RALGPS2: variants seen among roughly 807,000 people sequenced by gnomAD.
RALGPS2 encodes the protein ras-specific guanine nucleotide-releasing factor RalGPS2.
RALGPS2 carries 43 observed loss-of-function variants against 86.8 expected under a neutral mutation model. The observed-to-expected ratio is 0.50, with a 90% CI of 0.39 to 0.64. The LOEUF (loss-of-function observed/expected upper bound fraction) is 0.64, where lower values mean the gene tolerates loss of function less well. Among genes scored for constraint, RALGPS2 ranks in the 30% least tolerant of loss-of-function variants. RALGPS2 has a pLI of 0.00. For missense variants in RALGPS2, 536 were observed against 694.6 expected (o/e 0.77, Z 2.57); for synonymous variants, 243 against 231.3 (o/e 1.05, Z -0.46).
intron 8 of RALGPS2, among the ~76,000 whole-genome samples, chr1:178,861,087 A>G (rs555641630): frequency 6.6e-5 from 10 of 152,252 alleles, no homozygotes; most frequent in African/African-American, 2.2e-4. Context: ...GAAAACACAA[A>G]CTGGCAGTGA....
chr1:178,753,434 C>T (rs992471625), intron 1 of RALGPS2, among the ~76,000 whole-genome samples: 11 of 152,066 alleles, frequency 7.2e-5, no homozygotes, highest in Non-Finnish European at 1.5e-4. Flanking sequence ...AAAATATCTT[C>T]CATCTCCTAA....
intron 4 of RALGPS2, among the ~76,000 whole-genome samples, chr1:178,796,711 C>T (rs1654207395): frequency 6.6e-6 from 1 of 152,098 alleles, no homozygotes. Flanking sequence ...CTTTGCAGAA[C>T]AAACCTACAA....
rs1660883553 is a variant in RALGPS2 at position 178,918,545 on chromosome 1, T to G, written c.*2186T>G. 6.6e-6 allele frequency: 1 copy of G among 152,142 alleles called. No homozygotes were observed. Among genetic ancestry groups the G allele is most frequent in the African/African-American group, 2.4e-5 (1 of 41,456 alleles). The allele number at this position is 152,142 out of a possible 1,614,324, so 9.4% of individuals were successfully genotyped here. A position where few individuals can be genotyped will look rare whatever the true frequency, so the allele number is the denominator to read the frequency against. ...AAGCTGGAAGATGTTTTTGATACTT[T>G]CGGCTCTAAACATTAATGGATGTTT... is the stretch of plus-strand genomic sequence containing the variant. On this transcript the variant is annotated 3_prime_UTR_variant, in exon 20 of 20. Coordinates refer to ENST00000367635, the MANE Select transcript of RALGPS2 (RefSeq NM_152663.5).
At chr1:178,871,223 G>C (rs545449912) in intron 8 of RALGPS2, among the ~76,000 whole-genome samples, 65 of 152,196 alleles carry the variant, frequency 4.3e-4, no homozygotes, top group African/African-American at 1.4e-3. Context: ...ATCAGCAGGA[G>C]GTTGAATAGT....
At chr1:178,853,662 C>A in intron 8 of RALGPS2, 1 of 1,612,494 alleles carries the variant, frequency 6.2e-7, no homozygotes, top group Non-Finnish European at 8.5e-7. Context: ...ACAGTCCAAC[C>A]CCCAGGGTCC....
chr1:178,806,839 A>G (rs1187296591), intron 4 of RALGPS2, among the ~76,000 whole-genome samples: 1 of 151,424 alleles, frequency 6.6e-6, no homozygotes, highest in Non-Finnish European at 1.5e-5. Context: ...CTCCCTGGCT[A>G]TTGTTGTATT....
intron 1 of RALGPS2, chr1:178,746,535 T>C: frequency 1.7e-6 from 1 of 588,380 alleles, no homozygotes; most frequent in South Asian, 1.7e-5. Flanking sequence ...ATTCCCTGGA[T>C]GTCAAGTTTA....
intron 1 of RALGPS2, among the ~76,000 whole-genome samples, chr1:178,750,972 G>A (rs527285531): frequency 1.3e-5 from 2 of 152,206 alleles, no homozygotes; most frequent in East Asian, 3.9e-4. Context: ...TACTTTGGGG[G>A]GAATTGGACA....
chr1:178,817,213 C>T (rs557085890), intron 6 of RALGPS2, among the ~76,000 whole-genome samples: 9 of 151,704 alleles, frequency 5.9e-5, no homozygotes, highest in South Asian at 2.1e-4. Context: ...GGTGTGTTGG[C>T]GCACTCCTGT....
chr1:178,817,292 C>G (rs36143607), intron 6 of RALGPS2, among the ~76,000 whole-genome samples: 6,676 of 142,816 alleles, frequency 0.047, 228 homozygotes, highest in Non-Finnish European at 0.064. Flanking sequence ...TTGTGGTGAG[C>G]TAAGATCACG....
intron 1 of RALGPS2, among the ~76,000 whole-genome samples, chr1:178,770,070 G>T (rs1652716265): frequency 6.8e-6 from 1 of 147,362 alleles, no homozygotes; most frequent in South Asian, 2.2e-4. Flanking sequence ...AGGCTGGAGT[G>T]CTGTGGCATG....
At position 178,878,879 on chromosome 1, in the gene RALGPS2, ATTAT is replaced by A. The variant is rs1224529028; in HGVS notation, c.746-18_746-15del. On this transcript the variant is annotated intron_variant, in intron 9 of 19. Transcript: ENST00000367635. Reference sequence around the variant, plus strand: ...TGGTTAAGATGTACTTTATCAGATAATTATTTATCACCTTTTGCCTAGATATTCC... The same window carrying A: ...TGGTTAAGATGTACTTTATCAGATAATTATCACCTTTTGCCTAGATATTCC... 5 of 1,608,784 alleles carry A rather than the reference ATTAT, an allele frequency of 3.1e-6. No homozygotes were observed. Among genetic ancestry groups the A allele is most frequent in the African/African-American group, 1.3e-5 (1 of 74,596 alleles).
At chr1:178,807,628 T>C (rs1267185041) in intron 4 of RALGPS2, among the ~76,000 whole-genome samples, 3 of 152,186 alleles carry the variant, frequency 2.0e-5, no homozygotes, top group Non-Finnish European at 2.9e-5. Context: ...TCCCTTTTAT[T>C]AAAGGTTTCT....
intron 4 of RALGPS2, among the ~76,000 whole-genome samples, chr1:178,801,300 T>C (rs932519561): frequency 4.6e-5 from 7 of 152,120 alleles, no homozygotes; most frequent in African/African-American, 1.4e-4. Flanking sequence ...AGCTATACTT[T>C]GCTGTGTAAT....
chr1:178,738,851 G>C (rs115876588), intron 1 of RALGPS2, among the ~76,000 whole-genome samples: 5,516 of 152,234 alleles, frequency 0.036, 122 homozygotes, highest in Middle Eastern at 0.058. Flanking sequence ...CCCAGATTCT[G>C]TTGCATCTGT....
intron 11 of RALGPS2, among the ~76,000 whole-genome samples, chr1:178,883,893 G>C (rs1461882319): frequency 6.6e-6 from 1 of 152,090 alleles, no homozygotes; most frequent in African/African-American, 2.4e-5. Flanking sequence ...GGAGGCTGAG[G>C]CAGCAGAATG....
At chr1:178,764,437 T>G (rs1479622795) in intron 1 of RALGPS2, among the ~76,000 whole-genome samples, 5 of 152,200 alleles carry the variant, frequency 3.3e-5, no homozygotes, top group African/African-American at 1.2e-4. Context: ...TCTGTGCCTT[T>G]TAATTGGAGC....
chr1:178,856,196 GAGAGAGATATAT>G (rs1164746781), intron 8 of RALGPS2, among the ~76,000 whole-genome samples: 36 of 41,044 alleles, frequency 8.8e-4, no homozygotes, highest in African/African-American at 3.7e-3. Context: ...TTTCCAGAGA[GAGAGAGATATAT>G]ATATATATAT....
At chr1:178,791,872 C>A (rs985384380) in intron 4 of RALGPS2, among the ~76,000 whole-genome samples, 1 of 152,142 alleles carries the variant, frequency 6.6e-6, no homozygotes, top group Non-Finnish European at 1.5e-5. Flanking sequence ...TACTATATAT[C>A]TCAGAATTGC....
Sources: allele counts gnomAD v4.1 joint callset (sites outside exome capture counted in the v4.1 genomes callset), GRCh38; gene constraint gnomAD v4.1.1; transcripts MANE v1.5; gene names NCBI Gene and HGNC (gene_info 2026-07-23, HGNC 2026-07-21).